Variants in FAM117B observed in about 807,000 individuals in gnomAD.
The protein encoded by FAM117B is family with sequence similarity 117 member B.
Under a neutral mutation model 52.8 loss-of-function variants are expected in FAM117B, and 22 were observed. That is an observed-to-expected ratio of 0.42 (90% CI 0.30 to 0.59). The LOEUF (loss-of-function observed/expected upper bound fraction) is 0.59, where lower values mean the gene tolerates loss of function less well. FAM117B is among the 20% of genes least tolerant of loss of function. FAM117B has a pLI of 0.22. For synonymous variants in FAM117B, 309 were observed against 324.1 expected, an observed-to-expected ratio of 0.95 and a Z score of 0.50; for missense variants, 678 against 802.6, an observed-to-expected ratio of 0.84 and a Z score of 1.88.
At position 202,743,367 on chromosome 2, in the gene FAM117B, C is replaced by T. The variant is rs78943750; in HGVS notation, c.961-12171C>T. On this transcript the variant is annotated intron_variant, in intron 4 of 7. Transcript: ENST00000392238. ...ATCAAAGACAAAGCTACCCAAGCAA[C>T]GCAACAGATAAATCTATAGGAAAAA... Among the ~76,000 whole-genome samples the T allele has an allele frequency of 3.6e-3, 547 of 152,042 alleles. 5 individuals carry two copies. Among genetic ancestry groups the T allele is most frequent in the Admixed American group, 6.3e-3 (96 of 15,288 alleles).
At chr2:202,753,959 A>T (rs1691761317) in intron 4 of FAM117B, among the ~76,000 whole-genome samples, 1 of 152,216 alleles carries the variant, frequency 6.6e-6, no homozygotes, top group South Asian at 2.1e-4. Flanking sequence ...ATTATGGAAG[A>T]CAGTATGGCA....
chr2:202,663,358 G>T (rs1690158671), intron 1 of FAM117B, among the ~76,000 whole-genome samples: 1 of 152,164 alleles, frequency 6.6e-6, no homozygotes, highest in Admixed American at 6.5e-5. Flanking sequence ...TAACTCTATA[G>T]TTAGTGAACT....
At chr2:202,751,303 C>G (rs529418664) in intron 4 of FAM117B, among the ~76,000 whole-genome samples, 7 of 152,232 alleles carry the variant, frequency 4.6e-5, no homozygotes, top group Admixed American at 1.3e-4. Context: ...GTTTTATTGT[C>G]TGACCAGTAC....
rs73054758 is a variant in FAM117B at position 202,747,916 on chromosome 2, G to C, written c.961-7622G>C. Among the ~76,000 whole-genome samples the C allele has an allele frequency of 4.9e-3, 747 of 152,126 alleles. 7 individuals are homozygous for C. The highest frequency in any genetic ancestry group is 0.017 in the African/African-American group (725 of 41,546). ...ATTGATTGCAATTAAAATATTAATT[G>C]TTTATGTTAAAGTACCAATGACATT... On this transcript the variant is annotated intron_variant, in intron 4 of 7. Transcript: ENST00000392238.
At chr2:202,685,821 A>G (rs1247569940) in intron 1 of FAM117B, among the ~76,000 whole-genome samples, 2 of 152,216 alleles carry the variant, frequency 1.3e-5, no homozygotes, top group Non-Finnish European at 2.9e-5. Flanking sequence ...GGTAAAATGG[A>G]AAGACTTCTA....
At position 202,635,695 on chromosome 2, in the gene FAM117B, C is replaced by T. The variant is rs781245964; in HGVS notation, c.508C>T (p.Pro170Ser). The part of the protein sequence containing the change: ...LWTGEVSAAP[P>S]PARVRHRRRS... ...GACCGGCGAGGTGAGCGCGGCCCCA[C>T]CCCCAGCCCGCGTCCGGCATCGGAG... Residue 170 changes from proline (P) to serine (S), a missense_variant, in exon 1 of 8, where the codon CCC becomes TCC. Pro to Ser is a moderately conservative substitution (Grantham distance 74, BLOSUM62 -1). This residue lies in a region of FAM117B where 583 missense variants were observed against 644.8 expected (regional missense o/e 0.90). Coordinates refer to ENST00000392238, the MANE Select transcript of FAM117B (RefSeq NM_173511.4). The T allele has an allele frequency of 1.1e-4, 153 of 1,427,188 alleles. No homozygotes were observed. Among genetic ancestry groups the T allele is most frequent in the Admixed American group, 3.2e-4 (12 of 37,486 alleles). 88.4% of individuals were successfully genotyped at this position (1,427,188 alleles called of 1,614,324 possible).
chr2:202,730,602 G>A (rs778958297), intron 4 of FAM117B, among the ~76,000 whole-genome samples: 66 of 152,154 alleles, frequency 4.3e-4, no homozygotes, highest in Non-Finnish European at 6.3e-4. Context: ...TCTGGGAGGC[G>A]GAGGTTGCAG....
chr2:202,676,307 A>G (rs1273923103), intron 1 of FAM117B, among the ~76,000 whole-genome samples: 2 of 152,020 alleles, frequency 1.3e-5, no homozygotes, highest in Non-Finnish European at 2.9e-5. Flanking sequence ...ACCCTGAGCC[A>G]GAGGCATCCA....
At chr2:202,746,613 C>CAACT (rs1490212002) in intron 4 of FAM117B, among the ~76,000 whole-genome samples, 1 of 151,908 alleles carries the variant, frequency 6.6e-6, no homozygotes, top group Admixed American at 6.6e-5. Flanking sequence ...TAAGCGTGAA[C>CAACT]AACTATACAC....
At position 202,765,908 on chromosome 2, in the gene FAM117B, G is replaced by A; in HGVS notation, c.*144G>A. On this transcript the variant is annotated 3_prime_UTR_variant, in exon 8 of 8. Transcript: ENST00000392238. ...TGACGGCGAGGCTTCTGGAAGAAAG[G>A]ATCCCCCGTGACGGCTCTGCCCCAC... 2 of 862,668 alleles carry A rather than the reference G, an allele frequency of 2.3e-6. No homozygotes were observed. Among genetic ancestry groups the A allele is most frequent in the Non-Finnish European group, 1.7e-6 (1 of 572,816 alleles). The allele number at this position is 862,668 out of a possible 1,614,324, so 53.4% of individuals were successfully genotyped here.
chr2:202,677,875 G>A (rs1176477439), intron 1 of FAM117B, among the ~76,000 whole-genome samples: 1 of 152,138 alleles, frequency 6.6e-6, no homozygotes, highest in African/African-American at 2.4e-5. Flanking sequence ...GAAGCAGTTT[G>A]CTCAATGCCT....
At chr2:202,704,874 A>G (rs964849420) in intron 2 of FAM117B, among the ~76,000 whole-genome samples, 1 of 151,962 alleles carries the variant, frequency 6.6e-6, no homozygotes, top group Non-Finnish European at 1.5e-5. Context: ...GTGCTGGTGT[A>G]TTGCAGGTGT....
At chr2:202,729,658 G>GT (rs760165056) in intron 4 of FAM117B, among the ~76,000 whole-genome samples, 36 of 152,254 alleles carry the variant, frequency 2.4e-4, no homozygotes, top group Non-Finnish European at 4.9e-4. Flanking sequence ...CAGAAGATGT[G>GT]TTTATTTGGA....
chr2:202,674,541 G>T (rs1029769548), intron 1 of FAM117B, among the ~76,000 whole-genome samples: 9 of 152,154 alleles, frequency 5.9e-5, no homozygotes, highest in African/African-American at 2.2e-4. Flanking sequence ...TAGCACAGAG[G>T]TGCAGAGAAA....
At chr2:202,737,396 C>T (rs1425990547) in intron 4 of FAM117B, among the ~76,000 whole-genome samples, 1 of 151,708 alleles carries the variant, frequency 6.6e-6, no homozygotes, top group East Asian at 1.9e-4. Flanking sequence ...CAAGATAAAA[C>T]ATTCCCTCAT....
chr2:202,755,500 T>A (rs751492680), intron 4 of FAM117B, 38 bp from the exon 5 acceptor site: 5 of 1,598,046 alleles, frequency 3.1e-6, no homozygotes, highest in Non-Finnish European at 4.3e-6. Flanking sequence ...AATTAAAAGG[T>A]AATGTTAAGC....
chr2:202,694,511 T>C (rs185008842), intron 1 of FAM117B, among the ~76,000 whole-genome samples: 26 of 152,098 alleles, frequency 1.7e-4, no homozygotes, highest in African/African-American at 6.0e-4. Flanking sequence ...TTTTTATATG[T>C]GTCTTTCCTC....
chr2:202,704,940 C>T (rs1038811708), intron 2 of FAM117B, among the ~76,000 whole-genome samples: 5 of 151,918 alleles, frequency 3.3e-5, no homozygotes, highest in Non-Finnish European at 7.4e-5. Flanking sequence ...TCAGGCCTTT[C>T]CACCTCCTAG....
intron 2 of FAM117B, among the ~76,000 whole-genome samples, chr2:202,701,680 C>T (rs528101559): frequency 6.6e-6 from 1 of 152,222 alleles, no homozygotes; most frequent in South Asian, 2.1e-4. Flanking sequence ...TCATGGATGA[C>T]TTTGAGGGTT....
Sources: gnomAD v4.1 joint callset for allele counts (sites outside exome capture counted in the v4.1 genomes callset) on GRCh38, gnomAD v4.1.1 for gene constraint, gnomAD v4.1.1 regional missense constraint, MANE v1.5 for transcripts, NCBI Gene and HGNC (gene_info 2026-07-23, HGNC 2026-07-21) for gene names.